EIF2B3: variants seen among roughly 807,000 people sequenced by gnomAD.
The protein encoded by EIF2B3 is eukaryotic translation initiation factor 2B subunit gamma.
EIF2B3 carries 20 observed loss-of-function variants against 54.1 expected under a neutral mutation model. The observed-to-expected ratio is 0.37, with a 90% CI of 0.26 to 0.54. The LOEUF (loss-of-function observed/expected upper bound fraction) is 0.54. EIF2B3 is among the 20% of genes least tolerant of loss of function. The pLI, the probability that EIF2B3 is intolerant of heterozygous loss-of-function variation, is 0.86. For synonymous variants in EIF2B3, 153 were observed against 188.1 expected (o/e 0.81, Z 1.52); for missense variants, 448 against 547.8 (o/e 0.82, Z 1.82).
At chr1:44,898,700 C>A (rs1656060248) in intron 5 of EIF2B3, among the ~76,000 whole-genome samples, 1 of 152,048 alleles carries the variant, frequency 6.6e-6, no homozygotes, top group African/African-American at 2.4e-5. Context: ...CTTTTAGAGA[C>A]AGGGTCTTGC....
In EIF2B3 at chr1:44,981,041, A is replaced by G. The variant is rs1326385218; in HGVS notation, c.128T>C (p.Leu43Pro). ...CTCACCTTCAAATCCAACACGCTCA[A>G]GCAGGTTCAATGGGTACCAAATTAA... ...KPLIWYPLNL[L>P]ERVGFEEVIV... Residue 43 changes from leucine (L) to proline (P), a missense_variant, in exon 2 of 12, where the codon CTT (leucine) becomes CCT (proline). By Grantham distance (98) the Leu-to-Pro change is moderately conservative. This residue lies in a region of EIF2B3 where 95 missense variants were observed against 115.7 expected (regional missense o/e 0.82). Coordinates refer to ENST00000360403, the MANE Select transcript of EIF2B3 (RefSeq NM_020365.5). 6.2e-7 allele frequency: 1 copy of G among 1,613,768 alleles called. No homozygotes were observed.
chr1:44,877,267 C>T (rs1207325690), intron 8 of EIF2B3, among the ~76,000 whole-genome samples: 2 of 141,744 alleles, frequency 1.4e-5, no homozygotes, highest in Non-Finnish European at 3.0e-5. Flanking sequence ...ACAGGGAGTT[C>T]TCAGCCATAG....
chr1:44,976,295 T>C (rs1396901508), intron 3 of EIF2B3, among the ~76,000 whole-genome samples: 10 of 152,182 alleles, frequency 6.6e-5, no homozygotes, highest in African/African-American at 1.2e-4. Flanking sequence ...ACAAATGCTT[T>C]GAACAGACAC....
intron 2 of EIF2B3, among the ~76,000 whole-genome samples, chr1:44,979,157 G>A (rs1644487142): frequency 6.6e-6 from 1 of 150,716 alleles, no homozygotes; most frequent in African/African-American, 2.4e-5. Flanking sequence ...GTTTAGGTGG[G>A]AGGATTGCTT....
At position 44,882,804 on chromosome 1, in the gene EIF2B3, G is replaced by C. The variant is rs547969221; in HGVS notation, c.657-1065C>G. Among the ~76,000 whole-genome samples the C allele has an allele frequency of 2.6e-5, 4 of 151,788 alleles. No homozygotes were observed. In the East Asian group the frequency reaches 5.8e-4, roughly 22 times the overall value. On this transcript the variant is annotated intron_variant, in intron 6 of 11. Coordinates refer to ENST00000360403, the MANE Select transcript of EIF2B3 (RefSeq NM_020365.5). ...TGTTTTTGTATTTTTTGGTAGGGAT[G>C]GGGTTTTGCCATGTTGGCCAAGCTG...
At position 44,941,582 on chromosome 1, in the gene EIF2B3, T is replaced by A. The variant is rs1644022679; in HGVS notation, c.378A>T (p.Ala126=). ...CTTTTCTCATCAACATAGCAAGTGATGCATCATAAGCTCTAAACAGGTCCA... is the reference window on the plus strand; with the variant it reads ...CTTTTCTCATCAACATAGCAAGTGAAGCATCATAAGCTCTAAACAGGTCCA... ...EVVDLFRAYD[A]SLAMLMRKGQ... is the part of the protein sequence containing the mutation. The change falls in exon 4 of 12, where the codon GCA becomes GCT. Residue 126 remains alanine, a synonymous_variant. Coordinates refer to ENST00000360403, the MANE Select transcript of EIF2B3 (RefSeq NM_020365.5). 6.2e-7 allele frequency: 1 copy of A among 1,614,170 alleles called. No homozygotes were observed. The highest frequency in any genetic ancestry group is 8.5e-7 in the Non-Finnish European group (1 of 1,180,018).
intron 3 of EIF2B3, among the ~76,000 whole-genome samples, chr1:44,942,406 TATATATATA>T (rs1262576523): frequency 1.5e-3 from 35 of 22,840 alleles, no homozygotes; most frequent in Non-Finnish European, 2.4e-3. Context: ...TATATATATA[TATATATATA>T]TATTTTTTTT....
intron 4 of EIF2B3, among the ~76,000 whole-genome samples, chr1:44,936,361 C>T (rs1643946918): frequency 6.6e-6 from 1 of 151,034 alleles, no homozygotes; most frequent in African/African-American, 2.4e-5. Flanking sequence ...GGGTGGATCA[C>T]TTGAGGTCAG....
chr1:44,891,400 T>C (rs1357675646), intron 6 of EIF2B3, among the ~76,000 whole-genome samples: 1 of 152,218 alleles, frequency 6.6e-6, no homozygotes, highest in Non-Finnish European at 1.5e-5. Context: ...GTGCTGGGAA[T>C]ACAGGCATGA....
chr1:44,937,220 T>C (rs984165044), intron 4 of EIF2B3: 4 of 152,208 alleles, frequency 2.6e-5, no homozygotes, highest in Admixed American at 6.5e-5. Flanking sequence ...ATCTTTAGGA[T>C]TTTAAACTGC....
At position 44,874,713 on chromosome 1, in the gene EIF2B3, A is replaced by G; in HGVS notation, c.1167T>C (p.Asn389=). 1.9e-6 allele frequency: 3 copies of G among 1,614,158 alleles called. No individual in the cohort carries two copies. Among genetic ancestry groups the G allele is most frequent in the Middle Eastern group, 1.6e-4 (1 of 6,062 alleles). The change falls in exon 10 of 12, where the codon AAT becomes AAC. Residue 389 remains asparagine (N), a synonymous_variant. Transcript: ENST00000360403. ...CAGTGACTGAGTTCATGAGAAGGCA[A>G]TTGGTAATAGTCACTCTATCTTTTA... The part of the protein sequence containing the change: ...CLIKDRVTIT[N]CLLMNSVTVE...
chr1:44,866,498 T>A lies in EIF2B3; in HGVS notation c.1202+8180A>T, dbSNP rs1388719481. ...TGCCACAGTACCATGTGAGCATGAA[T>A]AAAGTGTTATGGGTGCATAGGGAGC... On this transcript the variant is annotated intron_variant, in intron 10 of 11. Transcript: ENST00000360403. Among the ~76,000 whole-genome samples the A allele has an allele frequency of 2.6e-5, 4 of 151,572 alleles. 1 individual carries two copies. The highest frequency in any genetic ancestry group is 4.8e-5 in the African/African-American group (2 of 41,248).
intron 1 of EIF2B3, among the ~76,000 whole-genome samples, chr1:44,983,488 T>C (rs564076075): frequency 2.0e-5 from 3 of 152,302 alleles, no homozygotes; most frequent in African/African-American, 7.2e-5. Context: ...CTAGCAAGCA[T>C]TGCCTCAAAG....
intron 3 of EIF2B3, among the ~76,000 whole-genome samples, chr1:44,975,447 G>A (rs1307777190): frequency 6.6e-6 from 1 of 152,136 alleles, no homozygotes. Flanking sequence ...ATATGGTATA[G>A]CCTATTGTTC....
At chr1:44,945,464 G>A (rs1267013206) in intron 3 of EIF2B3, among the ~76,000 whole-genome samples, 1 of 151,164 alleles carries the variant, frequency 6.6e-6, no homozygotes, top group African/African-American at 2.4e-5. Context: ...TGAGGCAGGA[G>A]AATGGCATGA....
chr1:44,868,698 T>C (rs1338112779), intron 10 of EIF2B3, among the ~76,000 whole-genome samples: 1 of 152,068 alleles, frequency 6.6e-6, no homozygotes, highest in African/African-American at 2.4e-5. Context: ...AATTATGCCA[T>C]TGTCTTCCTT....
intron 10 of EIF2B3, among the ~76,000 whole-genome samples, chr1:44,867,867 TAAAAAAAAAA>T (rs768045271): frequency 2.0e-5 from 2 of 99,494 alleles, no homozygotes; most frequent in Admixed American, 2.1e-4. Flanking sequence ...ATTCTGTCTC[TAAAAAAAAAA>T]AAAAAAAAAA....
At position 44,978,261 on chromosome 1, in the gene EIF2B3, A is replaced by G. The variant is rs1364341310; in HGVS notation, c.294+54T>C. ...AAAGACTATAATGCACTGGGAAAAC[A>G]TAAGATATCATCTATCTTCAATAAA... On this transcript the variant is annotated intron_variant, in intron 3 of 11. Transcript: ENST00000360403. 4.4e-6 allele frequency: 7 copies of G among 1,593,712 alleles called. No homozygotes were observed. In the Admixed American group the frequency reaches 1.0e-4, roughly 23 times the overall value.
At chr1:44,853,994 G>GTTTTT (rs113200962) in intron 11 of EIF2B3, among the ~76,000 whole-genome samples, 13 of 137,510 alleles carry the variant, frequency 9.5e-5, no homozygotes, top group African/African-American at 3.1e-4. Flanking sequence ...AGCAGTTAGT[G>GTTTTT]TTTTTTTTTT....
Sources: allele counts gnomAD v4.1 joint callset (sites outside exome capture counted in the v4.1 genomes callset), GRCh38; gene constraint gnomAD v4.1.1; regional missense constraint gnomAD v4.1.1; transcripts MANE v1.5; gene names NCBI Gene and HGNC (gene_info 2026-07-23, HGNC 2026-07-21).